The following PSD3 variants were observed in gnomAD, a reference collection of about 807,000 sequenced individuals.
The protein encoded by PSD3 is pleckstrin and Sec7 domain containing 3.
Under a neutral mutation model 105.5 loss-of-function variants are expected in PSD3, and 49 were observed. The observed-to-expected ratio is 0.46, with a 90% CI of 0.37 to 0.59. PSD3 has a LOEUF of 0.59. PSD3 is among the 20% of genes least tolerant of loss of function. The probability of loss-of-function intolerance (pLI) is 0.00; values close to 1 mark genes in which losing one functional copy is unlikely to be tolerated. For missense variants in PSD3, 1,561 were observed against 1,263.8 expected (o/e 1.24, Z -3.57); for synonymous variants, 557 against 457.8 (o/e 1.22, Z -2.77).
At chr8:18,747,050 G>C (rs930230679) in intron 9 of PSD3, among the ~76,000 whole-genome samples, 1 of 152,280 alleles carries the variant, frequency 6.6e-6, no homozygotes, top group South Asian at 2.1e-4. Flanking sequence ...TGTCACCTTT[G>C]TTCATATGAG....
chr8:19,004,162 C>G (rs887800090), intron 1 of PSD3, among the ~76,000 whole-genome samples: 4 of 152,052 alleles, frequency 2.6e-5, no homozygotes, highest in Non-Finnish European at 5.9e-5. Flanking sequence ...TCAAGCAATT[C>G]TCTGTCTAAT....
chr8:18,947,808 A>G (rs1027965840), intron 1 of PSD3, among the ~76,000 whole-genome samples: 15 of 152,152 alleles, frequency 9.9e-5, no homozygotes, highest in Non-Finnish European at 1.5e-5. Context: ...CTTCTTACCA[A>G]TGGTGGTAGC....
chr8:18,830,670 T>C (rs973818937), intron 4 of PSD3, among the ~76,000 whole-genome samples: 7 of 152,178 alleles, frequency 4.6e-5, no homozygotes, highest in African/African-American at 1.7e-4. Context: ...AAGAACAACA[T>C]GGTCGCGAAA....
chr8:19,002,890 G>T (rs1004395700), intron 1 of PSD3, among the ~76,000 whole-genome samples: 3 of 151,910 alleles, frequency 2.0e-5, no homozygotes, highest in Non-Finnish European at 4.4e-5. Flanking sequence ...CACAGTCTAG[G>T]GTACAAGAAA....
chr8:18,664,320 A>G (rs1809561559), intron 9 of PSD3, among the ~76,000 whole-genome samples: 1 of 152,234 alleles, frequency 6.6e-6, no homozygotes, highest in African/African-American at 2.4e-5. Flanking sequence ...CACACAAAAT[A>G]TAAGAGAGTG....
At chr8:18,975,016 T>C (rs1447033331) in intron 1 of PSD3, among the ~76,000 whole-genome samples, 1 of 151,950 alleles carries the variant, frequency 6.6e-6, no homozygotes, top group Non-Finnish European at 1.5e-5. Flanking sequence ...TACCAGAGTA[T>C]GAAAAGAAAC....
rs548006292 is a variant in PSD3 at position 19,048,605 on chromosome 8, T to A, written c.324+35601A>T. On this transcript the variant is annotated intron_variant, in intron 1 of 1. Transcript: ENST00000521475. ...GACTCCAAGTTATCAAGATGGCCAA[T>A]AAACATGAGAACTGTGAAATGCTGA... Among the ~76,000 whole-genome samples, 8 of 152,246 alleles carry A rather than the reference T, an allele frequency of 5.3e-5. No individual in the cohort carries two copies. In the East Asian group the frequency reaches 1.5e-3, roughly 29 times the overall value.
chr8:18,983,837 A>C lies in PSD3; in HGVS notation c.21+29726T>G, dbSNP rs77849780. 6.2e-3 allele frequency among the ~76,000 whole-genome samples: 928 copies of C among 149,646 alleles called. 9 individuals carry two copies. Among genetic ancestry groups the C allele is most frequent in the African/African-American group, 0.022 (881 of 40,870 alleles). ...AACATAGCCAGACGCCGTCTCTACA[A>C]AAAAAAAAATGTTTTAACCGGCTGG... On this transcript the variant is annotated intron_variant, in intron 1 of 15. Transcript: ENST00000327040.
intron 12 of PSD3, among the ~76,000 whole-genome samples, chr8:18,580,795 G>C (rs374519912): frequency 6.6e-6 from 1 of 152,108 alleles, no homozygotes; most frequent in Admixed American, 6.5e-5. Flanking sequence ...AGACCCTAAA[G>C]ATAAAATCAC....
intron 4 of PSD3, among the ~76,000 whole-genome samples, chr8:18,846,581 T>A (rs541236468): frequency 1.3e-5 from 2 of 152,226 alleles, no homozygotes; most frequent in East Asian, 3.9e-4. Flanking sequence ...TGCTGACAAA[T>A]GATCAACAAA....
intron 10 of PSD3, among the ~76,000 whole-genome samples, chr8:18,639,647 G>A (rs902297392): frequency 3.9e-5 from 6 of 152,162 alleles, no homozygotes; most frequent in African/African-American, 7.2e-5. Context: ...AGAGAGGCAT[G>A]GAGGAGACTC....
At position 18,531,002 on chromosome 8, in the gene PSD3, G is replaced by A. The variant is rs1799610897; in HGVS notation, c.*4741C>T. On this transcript the variant is annotated 3_prime_UTR_variant, in exon 16 of 16. Transcript: ENST00000327040. ...GGACAAAAATAATTTTGATGTACAT[G>A]TACCATACACTGATATGCAATCTAC... 6.6e-6 allele frequency: 1 copy of A among 151,112 alleles called. No homozygotes were observed. Among genetic ancestry groups the A allele is most frequent in the African/African-American group, 2.4e-5 (1 of 41,032 alleles). The allele number at this position is 151,112 out of a possible 1,614,324, so 9.4% of individuals were successfully genotyped here. A position where few individuals can be genotyped will look rare whatever the true frequency, so the allele number is the denominator to read the frequency against.
chr8:18,870,215 G>A (rs1266464452), intron 3 of PSD3, among the ~76,000 whole-genome samples: 6 of 152,196 alleles, frequency 3.9e-5, no homozygotes, highest in East Asian at 1.9e-4. Context: ...AACAACCCTC[G>A]GCCTTGACAC....
At chr8:18,565,780 T>G (rs1485832442) in intron 14 of PSD3, among the ~76,000 whole-genome samples, 1 of 152,154 alleles carries the variant, frequency 6.6e-6, no homozygotes, top group Non-Finnish European at 1.5e-5. Flanking sequence ...ATCCACTGGC[T>G]AAAGCAGTGG....
At chr8:18,959,599 C>T (rs564362312) in intron 1 of PSD3, among the ~76,000 whole-genome samples, 2 of 152,220 alleles carry the variant, frequency 1.3e-5, no homozygotes, top group East Asian at 3.9e-4. Flanking sequence ...TGACTCCACC[C>T]ACCTTGCCTT....
intron 1 of PSD3, among the ~76,000 whole-genome samples, chr8:18,996,907 C>T (rs1280252397): frequency 6.6e-6 from 1 of 151,852 alleles, no homozygotes; most frequent in African/African-American, 2.4e-5. Flanking sequence ...ATCTCATTTG[C>T]CCCTCATTTT....
intron 4 of PSD3, among the ~76,000 whole-genome samples, chr8:18,827,901 G>A (rs1449385264): frequency 2.0e-5 from 3 of 148,262 alleles, no homozygotes; most frequent in Admixed American, 1.3e-4. Flanking sequence ...ACAAAGATAA[G>A]CCAGACTTTT....
chr8:19,066,642 C>T (rs1475487560), intron 1 of PSD3, among the ~76,000 whole-genome samples: 1 of 152,214 alleles, frequency 6.6e-6, no homozygotes, highest in Non-Finnish European at 1.5e-5. Context: ...AGGTTATCTC[C>T]AACTAGTTGT....
intron 1 of PSD3, among the ~76,000 whole-genome samples, chr8:19,076,213 T>C (rs1428022096): frequency 6.6e-6 from 1 of 152,252 alleles, no homozygotes; most frequent in African/African-American, 2.4e-5. Context: ...CTTTCTCAAA[T>C]GGCATGAAAA....
Sources: allele counts gnomAD v4.1 joint callset (sites outside exome capture counted in the v4.1 genomes callset), GRCh38; gene constraint gnomAD v4.1.1; transcripts MANE v1.5; gene names NCBI Gene and HGNC (gene_info 2026-07-23, HGNC 2026-07-21).